The following GDPD5 variants were observed in gnomAD, a reference collection of about 807,000 sequenced individuals.
The protein encoded by GDPD5 is glycerophosphodiester phosphodiesterase 2.
Under a neutral mutation model 75.1 loss-of-function variants are expected in GDPD5, and 48 were observed. That is an observed-to-expected ratio of 0.64 (90% CI 0.51 to 0.81). GDPD5 has a LOEUF of 0.81. Among genes scored for constraint, GDPD5 ranks in the 40% least tolerant of loss-of-function variants. The pLI is 0.00. For missense variants in GDPD5, 706 were observed against 822.6 expected (o/e 0.86, Z 1.73); for synonymous variants, 336 against 339.0 (o/e 0.99, Z 0.10).
chr11:75,445,864 C>T (rs567637579), intron 9 of GDPD5, among the ~76,000 whole-genome samples: 1 of 152,340 alleles, frequency 6.6e-6, no homozygotes, highest in East Asian at 1.9e-4. Context: ...CATTATCAAC[C>T]TCACAGGTGA....
chr11:75,481,838 C>T (rs1358327074), intron 2 of GDPD5, among the ~76,000 whole-genome samples: 2 of 152,102 alleles, frequency 1.3e-5, no homozygotes, highest in African/African-American at 2.4e-5. Flanking sequence ...CATGCTGCCT[C>T]GCATTGACTT....
rs531543822 is a variant in GDPD5 at position 75,491,782 on chromosome 11, T to G, written c.-144-1462A>C. ...AAATTAGTTACCATATGTAAAACAC[T>G]TAAAGTGACTATTATTTCAGATTTT... On this transcript the variant is annotated intron_variant, in intron 1 of 16. Coordinates refer to ENST00000336898, the MANE Select transcript of GDPD5 (RefSeq NM_030792.8). Among the ~76,000 whole-genome samples the G allele has an allele frequency of 8.7e-4, 132 of 152,270 alleles. 2 individuals carry two copies. The highest frequency in any genetic ancestry group is 1.2e-3 in the Admixed American group (19 of 15,298).
At chr11:75,448,047 C>T (rs1230971322) in intron 9 of GDPD5, among the ~76,000 whole-genome samples, 1 of 152,158 alleles carries the variant, frequency 6.6e-6, no homozygotes, top group Non-Finnish European at 1.5e-5. Context: ...GCCCGGCAGA[C>T]CCAGCACCTC....
intron 15 of GDPD5, chr11:75,439,231 G>A (rs1045474039): frequency 5.2e-5 from 22 of 423,096 alleles, no homozygotes; most frequent in Middle Eastern, 5.2e-4. Context: ...CTGCGAGGTG[G>A]CCCGGGCACA....
Position 75,456,761 on chromosome 11 carries a change from T to G in GDPD5, c.371A>C (p.His124Pro). The G allele has an allele frequency of 1.9e-6, 3 of 1,614,184 alleles. No individual in the cohort carries two copies. The highest frequency in any genetic ancestry group is 2.5e-6 in the Non-Finnish European group (3 of 1,180,022). ...VGQQMNLHWL[H>P]KIGLVVILAS... The stretch of plus-strand genomic sequence containing the variant: ...CCCGGCCGAGGCGGCCCTTACCTTG[T>G]GCAGCCAGTGCAGGTTCATCTGCTG... The change falls in exon 6 of 17, where the codon CAC becomes CCC. Residue 124 changes from histidine (H) to proline (P), a missense_variant. Coordinates refer to ENST00000336898, the MANE Select transcript of GDPD5 (RefSeq NM_030792.8).
chr11:75,442,131 G>A (rs948546269), intron 12 of GDPD5, among the ~76,000 whole-genome samples: 1 of 152,210 alleles, frequency 6.6e-6, no homozygotes, highest in African/African-American at 2.4e-5. Context: ...CCAAACGACA[G>A]GGCAACACTT....
chr11:75,444,844 G>T (rs951350434), intron 9 of GDPD5, among the ~76,000 whole-genome samples: 5 of 152,158 alleles, frequency 3.3e-5, no homozygotes, highest in Non-Finnish European at 5.9e-5. Flanking sequence ...CACTGGGGCT[G>T]GAGGGCTTTT....
chr11:75,496,779 C>CTTTCTTTTTTTTTTTT (rs58663409), intron 1 of GDPD5, among the ~76,000 whole-genome samples: 28 of 103,116 alleles, frequency 2.7e-4, no homozygotes, highest in Non-Finnish European at 3.5e-4. Context: ...TTCTTTCTTT[C>CTTTCTTTTTTTTTTTT]TTTTTTTTTT....
chr11:75,518,441 A>C (rs907982811), intron 1 of GDPD5, among the ~76,000 whole-genome samples: 1 of 152,180 alleles, frequency 6.6e-6, no homozygotes, highest in Non-Finnish European at 1.5e-5. Context: ...GGTGGCTCTC[A>C]AACTGAAATC....
At chr11:75,471,742 G>A (rs1949670752) in intron 3 of GDPD5, among the ~76,000 whole-genome samples, 1 of 152,172 alleles carries the variant, frequency 6.6e-6, no homozygotes, top group Non-Finnish European at 1.5e-5. Context: ...GGAGCGTGAC[G>A]TGGTCATGCC....
intron 11 of GDPD5, 67 bp downstream of exon 11, chr11:75,443,069 C>T (rs1948872834): frequency 1.9e-6 from 3 of 1,540,502 alleles, no homozygotes; most frequent in East Asian, 4.8e-5. Flanking sequence ...CACCCTTGCA[C>T]CTCTCACTCC....
At chr11:75,458,905 G>C (rs1239895605) in intron 4 of GDPD5, among the ~76,000 whole-genome samples, 1 of 151,466 alleles carries the variant, frequency 6.6e-6, no homozygotes, top group African/African-American at 2.4e-5. Context: ...ACCTCAGCTG[G>C]GACCATAGGC....
In GDPD5 at chr11:75,444,005, A is replaced by G. The variant is rs1032665734; in HGVS notation, c.797+408T>C. On this transcript the variant is annotated intron_variant, in intron 10 of 16. Coordinates refer to ENST00000336898, the MANE Select transcript of GDPD5 (RefSeq NM_030792.8). ...AGATAACCTCTGTTATGAGATTAGTATGGATTCTTCCTGCCATTTATACTA... is the reference window on the plus strand; with the variant it reads ...AGATAACCTCTGTTATGAGATTAGTGTGGATTCTTCCTGCCATTTATACTA... Among the ~76,000 whole-genome samples the G allele has an allele frequency of 2.6e-5, 4 of 152,196 alleles. No individual in the cohort carries two copies. In the East Asian group the frequency reaches 5.8e-4, roughly 22 times the overall value.
chr11:75,507,096 CA>C (rs1478953608), intron 1 of GDPD5: 1 of 152,640 alleles, frequency 6.6e-6, no homozygotes, highest in Non-Finnish European at 1.5e-5. Flanking sequence ...AACTTCTGGG[CA>C]CTGCAGGACA....
chr11:75,435,497 A>C lies in GDPD5; in HGVS notation c.*10T>G, dbSNP rs750661900. ...TGTGTCAGGTACAGGTGGGACAGAC[A>C]TGTCTTCAGCTAACGCCCACTCCGC... is the stretch of plus-strand genomic sequence containing the variant. On this transcript the variant is annotated 3_prime_UTR_variant, in exon 17 of 17. Transcript: ENST00000336898. 6.3e-7 allele frequency: 1 copy of C among 1,589,218 alleles called. No homozygotes were observed. The highest frequency in any genetic ancestry group is 8.6e-7 in the Non-Finnish European group (1 of 1,167,534).
intron 3 of GDPD5, among the ~76,000 whole-genome samples, chr11:75,476,867 A>G (rs971205344): frequency 6.6e-6 from 1 of 151,864 alleles, no homozygotes; most frequent in Non-Finnish European, 1.5e-5. Flanking sequence ...AGCGGCAGCC[A>G]CCGCTCCCCA....
chr11:75,465,941 C>T (rs1592098065), intron 3 of GDPD5, among the ~76,000 whole-genome samples: 1 of 152,244 alleles, frequency 6.6e-6, no homozygotes, highest in South Asian at 2.1e-4. Flanking sequence ...TGACAGGGGG[C>T]CAGGAAGACC....
At chr11:75,501,048 T>A (rs940019865) in intron 1 of GDPD5, among the ~76,000 whole-genome samples, 1 of 152,142 alleles carries the variant, frequency 6.6e-6, no homozygotes, top group African/African-American at 2.4e-5. Flanking sequence ...CTCTGGAAGG[T>A]AGGGGCAGGG....
At chr11:75,506,073 C>T (rs1490806918) in intron 1 of GDPD5, among the ~76,000 whole-genome samples, 1 of 152,200 alleles carries the variant, frequency 6.6e-6, no homozygotes, top group East Asian at 1.9e-4. Flanking sequence ...GATAAGGACC[C>T]TTCCCAGAGC....
Sources: allele counts gnomAD v4.1 joint callset (sites outside exome capture counted in the v4.1 genomes callset), GRCh38; gene constraint gnomAD v4.1.1; transcripts MANE v1.5; gene names NCBI Gene and HGNC (gene_info 2026-07-23, HGNC 2026-07-21).